The following GBE1 variants were observed in gnomAD, a reference collection of about 807,000 sequenced individuals.
GBE1 encodes the protein 1,4-alpha-glucan-branching enzyme.
In GBE1, 70 loss-of-function variants were observed where a neutral mutation model predicts 88.8. The observed-to-expected ratio is 0.79, with a 90% CI of 0.65 to 0.96. The LOEUF is 0.96. GBE1 is among the 40% of genes least tolerant of loss of function. The pLI is 0.00. For missense variants in GBE1, 872 were observed against 871.0 expected, an observed-to-expected ratio of 1.00 and a Z score of -0.01; for synonymous variants, 284 against 300.1, an observed-to-expected ratio of 0.95 and a Z score of 0.56.
chr3:81,710,348 C>T (rs1161505310), intron 1 of GBE1, among the ~76,000 whole-genome samples: 5 of 146,258 alleles, frequency 3.4e-5, no homozygotes, highest in African/African-American at 1.0e-4. Flanking sequence ...CATTCTCCTG[C>T]CTCAGCCTCC....
chr3:81,702,096 AGAGAGAGTGTGTGTGTGTGTGTGT>A (rs1705697950), intron 2 of GBE1, among the ~76,000 whole-genome samples: 1 of 34,898 alleles, frequency 2.9e-5, no homozygotes, highest in Admixed American at 3.7e-4. Context: ...AGAGAGAGAG[AGAGAGAGTGTGTGTGTGTGTGTGT>A]GTGTGTGTGT....
chr3:81,511,646 A>G (rs1412996212), intron 14 of GBE1, among the ~76,000 whole-genome samples: 1 of 151,972 alleles, frequency 6.6e-6, no homozygotes, highest in Non-Finnish European at 1.5e-5. Flanking sequence ...ACCGTTTTAC[A>G]CCAGACACAA....
intron 14 of GBE1, among the ~76,000 whole-genome samples, chr3:81,531,909 A>T (rs1216103647): frequency 6.6e-6 from 1 of 151,994 alleles, no homozygotes; most frequent in Non-Finnish European, 1.5e-5. Flanking sequence ...GACAGCAGAA[A>T]ATATCCCTCT....
At chr3:81,695,911 C>T (rs981518053) in intron 2 of GBE1, among the ~76,000 whole-genome samples, 1 of 152,092 alleles carries the variant, frequency 6.6e-6, no homozygotes, top group Non-Finnish European at 1.5e-5. Context: ...ATGGCTAAGT[C>T]ATTTTTTCAG....
rs779028704 is a variant in GBE1 at position 81,648,908 on chromosome 3, T to C, written c.639A>G (p.Val213=). ...TGCATGTAAAATGTTTATAAGAAGC[T>C]ACTTTTCCTTCATGGGAAGAAATTC... ...HVGISSHEGK[V]ASYKHFTCNV... Residue 213 remains valine, a synonymous_variant, in exon 5 of 16, where the codon GTA becomes GTG. Transcript: ENST00000429644. 3.8e-6 allele frequency: 6 copies of C among 1,587,440 alleles called. No individual in the cohort carries two copies. The highest frequency in any genetic ancestry group is 4.3e-6 in the Non-Finnish European group (5 of 1,162,606).
chr3:81,547,006 G>T (rs951845958), intron 12 of GBE1, among the ~76,000 whole-genome samples: 1 of 151,196 alleles, frequency 6.6e-6, no homozygotes, highest in Non-Finnish European at 1.5e-5. Context: ...GGTAAGTGCT[G>T]GGGTCCAGTA....
intron 1 of GBE1, among the ~76,000 whole-genome samples, chr3:81,727,398 C>CA (rs1216879873): frequency 6.6e-6 from 1 of 152,066 alleles, no homozygotes; most frequent in African/African-American, 2.4e-5. Flanking sequence ...AGAATTTGAC[C>CA]AAGGCATTCC....
At position 81,748,504 on chromosome 3, in the gene GBE1, G is replaced by C. The variant is rs912515346; in HGVS notation, c.143+12871C>G. Among the ~76,000 whole-genome samples the C allele has an allele frequency of 4.6e-5, 7 of 151,862 alleles. No individual in the cohort carries two copies. The East Asian group carries it at 5.9e-4, about 13-fold the overall frequency. On this transcript the variant is annotated intron_variant, in intron 1 of 15. Coordinates refer to ENST00000429644, the MANE Select transcript of GBE1 (RefSeq NM_000158.4). ...CGGGCGCCTGTAGTCCCAGCTACTC[G>C]GGAGACTGGGGCAGGAGAATGGCGT...
chr3:81,514,223 GA>G (rs34181926), intron 14 of GBE1, among the ~76,000 whole-genome samples: 12 of 149,356 alleles, frequency 8.0e-5, no homozygotes, highest in East Asian at 2.0e-4. Flanking sequence ...GAACACATGA[GA>G]AAAAAAAACC....
At chr3:81,599,046 T>C (rs908398292) in intron 7 of GBE1, among the ~76,000 whole-genome samples, 5 of 152,192 alleles carry the variant, frequency 3.3e-5, no homozygotes, top group African/African-American at 9.6e-5. Context: ...TTAAATACTT[T>C]ATTAAAATTA....
chr3:81,560,620 C>T (rs1703403722), intron 12 of GBE1, among the ~76,000 whole-genome samples: 1 of 151,926 alleles, frequency 6.6e-6, no homozygotes, highest in African/African-American at 2.4e-5. Flanking sequence ...TCCACATGGT[C>T]ATCTCTGCGT....
At chr3:81,598,404 C>CA (rs5850529) in intron 7 of GBE1, among the ~76,000 whole-genome samples, 148,534 of 151,754 alleles carry the variant, frequency 0.98, 72,711 homozygotes, top group East Asian at 1. Flanking sequence ...TATAGAATGC[C>CA]AAAAAAGTCT....
chr3:81,696,680 C>T (rs1705600884), intron 2 of GBE1, among the ~76,000 whole-genome samples: 1 of 152,022 alleles, frequency 6.6e-6, no homozygotes, highest in Non-Finnish European at 1.5e-5. Context: ...TGCTAAAGAA[C>T]AACCATAAAC....
intron 2 of GBE1, among the ~76,000 whole-genome samples, chr3:81,702,791 C>A (rs1054590608): frequency 2.0e-5 from 3 of 152,006 alleles, no homozygotes; most frequent in African/African-American, 7.2e-5. Context: ...GTTTACAAAA[C>A]ATTTTTTTAA....
intron 12 of GBE1, among the ~76,000 whole-genome samples, chr3:81,539,888 A>C (rs1703122316): frequency 6.6e-6 from 1 of 151,978 alleles, no homozygotes; most frequent in African/African-American, 2.4e-5. Flanking sequence ...GATAAAAATA[A>C]GGTACTGAAA....
Position 81,591,116 on chromosome 3 carries a change from T to C in GBE1, c.1157A>G (p.Asp386Gly), listed in dbSNP as rs1169375576. The C allele has an allele frequency of 1.2e-6, 2 of 1,608,424 alleles. No individual in the cohort carries two copies. The highest frequency in any genetic ancestry group is 1.7e-6 in the Non-Finnish European group (2 of 1,176,858). Reference sequence around the variant, plus strand: ...CATGAGGTAAGTCAAGGCATCTTCATCTACTTGTAGTCCGAAATATTCACT... The same window carrying C: ...CATGAGGTAAGTCAAGGCATCTTCACCTACTTGTAGTCCGAAATATTCACT... ...DYSEYFGLQVDEDALTYLMLA... is the reference protein window; with the variant it reads ...DYSEYFGLQVGEDALTYLMLA... Residue 386 changes from aspartate to glycine, a missense_variant, in exon 9 of 16, where the codon GAT (aspartate) becomes GGT (glycine). Asp to Gly is a moderately conservative substitution (Grantham distance 94). Transcript: ENST00000429644.
intron 7 of GBE1, among the ~76,000 whole-genome samples, chr3:81,616,484 GC>G (rs1704250009): frequency 6.6e-6 from 1 of 152,052 alleles, no homozygotes; most frequent in African/African-American, 2.4e-5. Context: ...ATGCTTTTGT[GC>G]TTTTGTCAAA....
chr3:81,740,225 AAAT>A (rs1452157459), intron 1 of GBE1, among the ~76,000 whole-genome samples: 7 of 152,038 alleles, frequency 4.6e-5, no homozygotes, highest in African/African-American at 1.7e-4. Flanking sequence ...ACCCTTTCTC[AAAT>A]AATAATAATA....
chr3:81,705,406 A>T, intron 2 of GBE1, 38 bp downstream of exon 2: 1 of 1,332,104 alleles, frequency 7.5e-7, no homozygotes, highest in Non-Finnish European at 1.0e-6. Context: ...ATAGTTAATA[A>T]GATATTACTA....
Sources: allele counts gnomAD v4.1 joint callset (sites outside exome capture counted in the v4.1 genomes callset), GRCh38; gene constraint gnomAD v4.1.1; transcripts MANE v1.5; gene names NCBI Gene and HGNC (gene_info 2026-07-23, HGNC 2026-07-21).